NEUROD1: variants seen among roughly 807,000 people sequenced by gnomAD.
NEUROD1 encodes the protein neuronal differentiation 1, also known as neurogenic differentiation factor 1.
Under a neutral mutation model 21.8 loss-of-function variants are expected in NEUROD1, and 9 were observed. That is an observed-to-expected ratio of 0.41 (90% CI 0.25 to 0.72). The LOEUF is 0.72. NEUROD1 is among the 30% of genes least tolerant of loss of function. The probability of loss-of-function intolerance (pLI) is 0.31; values close to 1 mark genes in which losing one functional copy is unlikely to be tolerated. For synonymous variants in NEUROD1, 199 were observed against 186.2 expected, an observed-to-expected ratio of 1.07 and a Z score of -0.56; for missense variants, 434 against 468.8, an observed-to-expected ratio of 0.93 and a Z score of 0.69.
chr2:181,673,646 C>G (rs563743220), downstream of NEUROD1: 3 of 152,266 alleles, frequency 2.0e-5, no homozygotes, highest in South Asian at 2.1e-4. Flanking sequence ...GTTTAAGAAG[C>G]AGTTTTGCTA....
At chr2:181,675,065 C>T (rs1688549089), downstream of NEUROD1, among the ~76,000 whole-genome samples, 1 of 152,150 alleles carries the variant, frequency 6.6e-6, no homozygotes, top group South Asian at 2.1e-4. Flanking sequence ...TGGTAGTATT[C>T]AAGTATCATA....
At chr2:181,675,011 A>G (rs1177954971), downstream of NEUROD1, among the ~76,000 whole-genome samples, 1 of 152,194 alleles carries the variant, frequency 6.6e-6, no homozygotes, top group Non-Finnish European at 1.5e-5. Flanking sequence ...AATAGGTTAG[A>G]TCAGATCTGA....
downstream of NEUROD1, among the ~76,000 whole-genome samples, chr2:181,671,476 C>G (rs1688497959): frequency 6.6e-6 from 1 of 152,012 alleles, no homozygotes; most frequent in African/African-American, 2.4e-5. Flanking sequence ...GTCACCCAGG[C>G]TGGAGTACAG....
downstream of NEUROD1, among the ~76,000 whole-genome samples, chr2:181,674,820 A>C (rs952294687): frequency 6.9e-6 from 1 of 145,642 alleles, no homozygotes; most frequent in Non-Finnish European, 1.5e-5. Flanking sequence ...AAAAAAAAAA[A>C]CCTAACTTTT....
At chr2:181,672,362 T>C (rs1485477004), downstream of NEUROD1, among the ~76,000 whole-genome samples, 2 of 152,222 alleles carry the variant, frequency 1.3e-5, no homozygotes, top group African/African-American at 4.8e-5. Context: ...TATAGCATAG[T>C]GGTTAAGGCA....
chr2:181,668,700 A>T (rs1386951890), downstream of NEUROD1, among the ~76,000 whole-genome samples: 1 of 152,134 alleles, frequency 6.6e-6, no homozygotes, highest in East Asian at 1.9e-4. Flanking sequence ...TGTTGTCCAA[A>T]TGCCATAAAA....
At chr2:181,675,756 G>T (rs1013070873), downstream of NEUROD1, among the ~76,000 whole-genome samples, 1 of 152,150 alleles carries the variant, frequency 6.6e-6, no homozygotes, top group East Asian at 1.9e-4. Flanking sequence ...AGGGTGGGGG[G>T]AGGAAATAAT....
In NEUROD1 at chr2:181,678,962, A is replaced by G. The variant is rs925249934; in HGVS notation, c.-11-91T>C. ...TACGCCTTCAGCTTCCACTCCCTAA[A>G]CCTGTACAAATGCTTGCGAAAAGTA... On this transcript the variant is annotated intron_variant, in intron 1 of 1. Coordinates refer to ENST00000295108, the MANE Select transcript of NEUROD1 (RefSeq NM_002500.5). The surrounding 1 kb of genome is among the most constrained non-coding windows in gnomAD (Gnocchi z 5.5). 1.3e-4 allele frequency: 191 copies of G among 1,486,788 alleles called. No homozygotes were observed. The highest frequency in any genetic ancestry group is 1.7e-4 in the Non-Finnish European group (182 of 1,085,216). The allele number at this position is 1,486,788 out of a possible 1,614,324, so 92.1% of individuals were successfully genotyped here. A position where few individuals can be genotyped will look rare whatever the true frequency, so the allele number is the denominator to read the frequency against.
Position 181,678,453 on chromosome 2 carries a change from C to T in NEUROD1, c.408G>A (p.Lys136=), listed in dbSNP as rs2105595256. 1 of 1,614,218 alleles carries T rather than the reference C, an allele frequency of 6.2e-7. No individual in the cohort carries two copies. The highest frequency in any genetic ancestry group is 8.5e-7 in the Non-Finnish European group (1 of 1,180,034). Residue 136 remains lysine, a synonymous_variant, in exon 2 of 2, where the codon AAG becomes AAA. Coordinates refer to ENST00000295108, the MANE Select transcript of NEUROD1 (RefSeq NM_002500.5). The surrounding 1 kb of genome is among the most constrained non-coding windows in gnomAD (Gnocchi z 5.5). ...KVVPCYSKTQ[K]LSKIETLRLA... ...AGCGCAGAGTCTCGATTTTGGACAG[C>T]TTCTGCGTCTTAGAATAGCAAGGCA...
chr2:181,670,323 A>C (rs1228277580), downstream of NEUROD1, among the ~76,000 whole-genome samples: 2 of 152,208 alleles, frequency 1.3e-5, no homozygotes, highest in Admixed American at 6.5e-5. Flanking sequence ...ATAAACAATA[A>C]AACTTTTATA....
In NEUROD1 at chr2:181,678,278, A is replaced by G. The variant is rs1398851696; in HGVS notation, c.583T>C (p.Phe195Leu). Residue 195 changes from phenylalanine to leucine, a missense_variant, in exon 2 of 2, where the codon TTT (phenylalanine) becomes CTT (leucine). Coordinates refer to ENST00000295108, the MANE Select transcript of NEUROD1 (RefSeq NM_002500.5). The surrounding 1 kb of genome is among the most constrained non-coding windows in gnomAD (Gnocchi z 5.5). Reference protein sequence around the residue: ...AGCLQLNPRTFLPEQNQDMPP... With the variant: ...AGCLQLNPRTLLPEQNQDMPP... Reference sequence around the variant, plus strand: ...ATGTCCTGGTTCTGCTCAGGCAGAAAAGTCCGAGGATTGAGTTGCAGGCAG... The same window carrying G: ...ATGTCCTGGTTCTGCTCAGGCAGAAGAGTCCGAGGATTGAGTTGCAGGCAG... 6.2e-7 allele frequency: 1 copy of G among 1,614,090 alleles called. No homozygotes were observed.
Position 181,677,855 on chromosome 2 carries a change from AG to A in NEUROD1, c.1005del (p.Phe336SerfsTer11). The A allele has an allele frequency of 6.2e-7, 1 of 1,614,184 alleles. No individual in the cohort carries two copies. The highest frequency in any genetic ancestry group is 8.5e-7 in the Non-Finnish European group (1 of 1,180,042). On this transcript the variant is annotated frameshift_variant, in exon 2 of 2. Transcript: ENST00000295108. LOFTEE classifies it high-confidence loss of function. ...RCEIPIDNIM[S>X]FDSHSHHERV... ...CGCTCATGATGTGAATGGCTATCGA[AG>A]GACATAATATTGTCTATGGGGATCT...
chr2:181,679,854 G>T (rs527864880), intron 1 of NEUROD1, among the ~76,000 whole-genome samples: 1 of 152,190 alleles, frequency 6.6e-6, no homozygotes, highest in African/African-American at 2.4e-5. Context: ...GTGGCTGCTG[G>T]GGACTTGGCC....
rs766645933 is a variant in NEUROD1 at position 181,678,782 on chromosome 2, G to A, written c.79C>T (p.Leu27Phe). ...QGPPSWTDEC[L>F]SSQDEEHEAD... The stretch of plus-strand genomic sequence containing the variant: ...TCGTGCTCCTCGTCCTGAGAACTGA[G>A]ACACTCGTCTGTCCAGCTTGGAGGA... Residue 27 changes from leucine to phenylalanine, a missense_variant, in exon 2 of 2, where the codon CTC (leucine) becomes TTC (phenylalanine). Coordinates refer to ENST00000295108, the MANE Select transcript of NEUROD1 (RefSeq NM_002500.5). This position sits in a 1 kb window ranked among gnomAD's most constrained non-coding sequence, Gnocchi z 5.5. 36 of 1,613,524 alleles carry A rather than the reference G, an allele frequency of 2.2e-5. No individual in the cohort carries two copies. The East Asian group carries it at 8.0e-4, about 36-fold the overall frequency.
chr2:181,677,853 G>A lies in NEUROD1; in HGVS notation c.1008C>T (p.Phe336=), dbSNP rs760739259. ...CEIPIDNIMS[F]DSHSHHERVM... ...CTCGCTCATGATGTGAATGGCTATC[G>A]AAGGACATAATATTGTCTATGGGGA... The change falls in exon 2 of 2, where the codon TTC becomes TTT. Residue 336 remains phenylalanine (F), a synonymous_variant. Transcript: ENST00000295108. 6.2e-7 allele frequency: 1 copy of A among 1,614,132 alleles called. No homozygotes were observed. Among genetic ancestry groups the A allele is most frequent in the South Asian group, 1.1e-5 (1 of 91,082 alleles).
chr2:181,675,766 T>G (rs1360355155), downstream of NEUROD1, among the ~76,000 whole-genome samples: 2 of 151,962 alleles, frequency 1.3e-5, no homozygotes, highest in Non-Finnish European at 2.9e-5. Flanking sequence ...GAGGAAATAA[T>G]TACACCTTCC....
In NEUROD1 at chr2:181,678,245, G is replaced by T. The variant is rs201174472; in HGVS notation, c.616C>A (p.His206Asn). 46 of 1,613,934 alleles carry T rather than the reference G, an allele frequency of 2.9e-5. No individual in the cohort carries two copies. The highest frequency in any genetic ancestry group is 8.0e-5 in the African/African-American group (6 of 74,914). ...LPEQNQDMPP[H>N]LPTASASFPV... ...AAGGAAGCGCTGGCCGTCGGCAGGT[G>T]GGGGGGCATGTCCTGGTTCTGCTCA... Residue 206 changes from histidine to asparagine, a missense_variant, in exon 2 of 2, where the codon CAC (histidine) becomes AAC (asparagine). His to Asn is a moderately conservative substitution (Grantham distance 68, BLOSUM62 1). Transcript: ENST00000295108. This position sits in a 1 kb window ranked among gnomAD's most constrained non-coding sequence, Gnocchi z 5.5.
In NEUROD1 at chr2:181,678,127, G is replaced by A; in HGVS notation, c.734C>T (p.Pro245Leu). 6.2e-7 allele frequency: 1 copy of A among 1,614,202 alleles called. No individual in the cohort carries two copies. The highest frequency in any genetic ancestry group is 1.1e-5 in the South Asian group (1 of 91,078). ...CAGCGCTGCGCTGTAGGCGTGCGGC[G>A]GAGGCTTAACGTGGAAGACATGGGA... ...DSSHVFHVKP[P>L]PHAYSAALEP... Residue 245 changes from proline to leucine, a missense_variant, in exon 2 of 2, where the codon CCG becomes CTG. Transcript: ENST00000295108. The surrounding 1 kb of genome is among the most constrained non-coding windows in gnomAD (Gnocchi z 5.5).
chr2:181,673,974 ATAT>A (rs779089225), downstream of NEUROD1, among the ~76,000 whole-genome samples: 26 of 152,250 alleles, frequency 1.7e-4, no homozygotes, highest in South Asian at 4.1e-4. Context: ...AACACTCTTG[ATAT>A]TATAATCTTT....
Sources: gnomAD v4.1 joint callset for allele counts (sites outside exome capture counted in the v4.1 genomes callset) on GRCh38, gnomAD v4.1.1 for gene constraint, Gnocchi (gnomAD v3.1) non-coding constraint, MANE v1.5 for transcripts, NCBI Gene and HGNC (gene_info 2026-07-23, HGNC 2026-07-21) for gene names.